ASIC2: variants seen among roughly 807,000 people sequenced by gnomAD.
ASIC2 encodes the protein acid-sensing ion channel 2.
ASIC2 carries 25 observed loss-of-function variants against 57.3 expected under a neutral mutation model. The observed-to-expected ratio is 0.44, with a 90% CI of 0.32 to 0.61. The LOEUF is 0.61. Ranked by LOEUF, ASIC2 falls within the 20% of genes least tolerant of loss-of-function variation. ASIC2 has a pLI of 0.06. For synonymous variants in ASIC2, 319 were observed against 307.5 expected, an observed-to-expected ratio of 1.04 and a Z score of -0.39; for missense variants, 641 against 738.1, an observed-to-expected ratio of 0.87 and a Z score of 1.52.
chr17:34,011,624 C>T (rs1017148051), intron 1 of ASIC2, among the ~76,000 whole-genome samples: 1 of 152,154 alleles, frequency 6.6e-6, no homozygotes, highest in Admixed American at 6.5e-5. Context: ...TAGGCATGGC[C>T]TCCGCCTCCA....
chr17:33,147,557 T>C (rs1477275558), intron 1 of ASIC2, among the ~76,000 whole-genome samples: 1 of 152,176 alleles, frequency 6.6e-6, no homozygotes, highest in East Asian at 1.9e-4. Context: ...CTTTTTTTTT[T>C]CTTACATTTA....
chr17:33,306,838 G>C (rs1243242494), intron 1 of ASIC2, among the ~76,000 whole-genome samples: 1 of 152,114 alleles, frequency 6.6e-6, no homozygotes, highest in Non-Finnish European at 1.5e-5. Context: ...TCTGTGTGCT[G>C]TGTCACACAG....
intron 2 of ASIC2, among the ~76,000 whole-genome samples, chr17:33,101,098 T>C (rs2092210437): frequency 6.6e-6 from 1 of 152,168 alleles, no homozygotes; most frequent in East Asian, 1.9e-4. Flanking sequence ...TAGGTTCCTG[T>C]GCCCTGGACA....
At chr17:34,059,322 G>A (rs933658669) in intron 1 of ASIC2, among the ~76,000 whole-genome samples, 13 of 152,162 alleles carry the variant, frequency 8.5e-5, no homozygotes, top group Non-Finnish European at 1.9e-4. Context: ...AAAATACAGG[G>A]GTAGAGGAAG....
intron 1 of ASIC2, among the ~76,000 whole-genome samples, chr17:34,103,837 T>C (rs953031740): frequency 1.3e-5 from 2 of 152,238 alleles, no homozygotes; most frequent in African/African-American, 4.8e-5. Flanking sequence ...TGCCAATATC[T>C]AACTGTCTTA....
intron 4 of ASIC2, 60 bp from the exon 5 acceptor site, chr17:33,026,042 C>T: frequency 6.3e-7 from 1 of 1,583,670 alleles, no homozygotes. Context: ...TCAGCAACAC[C>T]TCCTCTGCTT....
At chr17:34,014,750 G>T (rs188427497) in intron 1 of ASIC2, among the ~76,000 whole-genome samples, 287 of 152,310 alleles carry the variant, frequency 1.9e-3, no homozygotes, top group African/African-American at 6.6e-3. Context: ...ATGGGGACAT[G>T]GATAGCTCCC....
chr17:33,040,988 A>G (rs2091927807), intron 3 of ASIC2, among the ~76,000 whole-genome samples: 1 of 152,172 alleles, frequency 6.6e-6, no homozygotes, highest in South Asian at 2.1e-4. Context: ...GCACAGGGCC[A>G]GACACTGGGG....
intron 1 of ASIC2, among the ~76,000 whole-genome samples, chr17:33,904,766 C>G (rs1157697976): frequency 6.6e-6 from 1 of 152,208 alleles, no homozygotes; most frequent in Non-Finnish European, 1.5e-5. Flanking sequence ...CTACACCACC[C>G]TTTTAGGCTC....
chr17:33,906,603 C>T (rs965424116), intron 1 of ASIC2, among the ~76,000 whole-genome samples: 5 of 152,206 alleles, frequency 3.3e-5, no homozygotes, highest in African/African-American at 9.6e-5. Context: ...GTACAAACAC[C>T]TGCGAGTATA....
intron 1 of ASIC2, chr17:33,530,235 A>G (rs915687500): frequency 3.3e-5 from 5 of 152,200 alleles, no homozygotes; most frequent in African/African-American, 1.2e-4. Context: ...TATGTCATGG[A>G]ATATTCTGTG....
At chr17:33,717,750 C>T (rs999562602) in intron 1 of ASIC2, among the ~76,000 whole-genome samples, 2 of 152,178 alleles carry the variant, frequency 1.3e-5, no homozygotes, top group African/African-American at 4.8e-5. Flanking sequence ...CATTGGATCT[C>T]CCTGTAACTC....
At chr17:33,233,766 T>A (rs1279069095) in intron 1 of ASIC2, among the ~76,000 whole-genome samples, 5 of 151,772 alleles carry the variant, frequency 3.3e-5, no homozygotes, top group Non-Finnish European at 5.9e-5. Context: ...AAAGAATCCC[T>A]CGTTCTACAG....
chr17:33,319,283 G>A (rs1906776510), intron 1 of ASIC2, among the ~76,000 whole-genome samples: 1 of 152,198 alleles, frequency 6.6e-6, no homozygotes, highest in African/African-American at 2.4e-5. Flanking sequence ...GGGTAGTTCT[G>A]GACATCTTCA....
Position 34,031,468 on chromosome 17 carries a change from A to G in ASIC2, c.555+124510T>C, listed in dbSNP as rs113143912. On this transcript the variant is annotated intron_variant, in intron 1 of 9. Coordinates refer to the ASIC2 transcript ENST00000359872. ...AAATCAGAGCGCCTCTCCTCCTCCAAAGGAATGCAGCTCCTCACCAGCAAT... is the reference window on the plus strand; with the variant it reads ...AAATCAGAGCGCCTCTCCTCCTCCAGAGGAATGCAGCTCCTCACCAGCAAT... 2.4e-4 allele frequency among the ~76,000 whole-genome samples: 36 copies of G among 152,344 alleles called. 1 individual carries two copies. The highest frequency in any genetic ancestry group is 7.7e-4 in the African/African-American group (32 of 41,582).
chr17:33,994,908 A>G (rs531534524), intron 1 of ASIC2, among the ~76,000 whole-genome samples: 86 of 152,310 alleles, frequency 5.6e-4, no homozygotes, highest in African/African-American at 2.0e-3. Flanking sequence ...GCTTCTTGAG[A>G]TGAGATTTCA....
At chr17:33,204,052 A>T (rs535405868) in intron 1 of ASIC2, among the ~76,000 whole-genome samples, 1 of 152,246 alleles carries the variant, frequency 6.6e-6, no homozygotes, top group Non-Finnish European at 1.5e-5. Context: ...TCTATTTTCT[A>T]ATGGTGAGAC....
At chr17:33,567,887 C>T (rs1916293924) in intron 1 of ASIC2, among the ~76,000 whole-genome samples, 1 of 152,118 alleles carries the variant, frequency 6.6e-6, no homozygotes, top group Admixed American at 6.5e-5. Flanking sequence ...CCCCACTCTA[C>T]ATAGCGCAAG....
chr17:33,953,882 T>C (rs1355188892), intron 1 of ASIC2, among the ~76,000 whole-genome samples: 1 of 152,190 alleles, frequency 6.6e-6, no homozygotes, highest in East Asian at 1.9e-4. Flanking sequence ...ATTAAGATGA[T>C]AGAGAGCTCT....
Sources: gnomAD v4.1 joint callset for allele counts (sites outside exome capture counted in the v4.1 genomes callset) on GRCh38, gnomAD v4.1.1 for gene constraint, MANE v1.5 for transcripts, NCBI Gene and HGNC (gene_info 2026-07-23, HGNC 2026-07-21) for gene names.